The following NFIA variants were observed in gnomAD, a reference collection of about 807,000 sequenced individuals.
The protein encoded by NFIA is nuclear factor 1 A-type.
Under a neutral mutation model 62.8 loss-of-function variants are expected in NFIA, and 8 were observed. The observed-to-expected ratio is 0.13, with a 90% CI of 0.07 to 0.23. The LOEUF (loss-of-function observed/expected upper bound fraction) is 0.23, where lower values mean the gene tolerates loss of function less well. Among genes scored for constraint, NFIA ranks in the 10% least tolerant of loss-of-function variants. The pLI, the probability that NFIA is intolerant of heterozygous loss-of-function variation, is 1.00. For synonymous variants in NFIA, 235 were observed against 238.1 expected (o/e 0.99, Z 0.12); for missense variants, 410 against 642.1 (o/e 0.64, Z 3.91).
intron 3 of NFIA, among the ~76,000 whole-genome samples, chr1:61,277,802 T>G (rs1657902376): frequency 6.6e-6 from 1 of 152,070 alleles, no homozygotes; most frequent in Admixed American, 6.6e-5. Flanking sequence ...TAAACACTAT[T>G]AGGGTGCCCA....
intron 2 of NFIA, among the ~76,000 whole-genome samples, chr1:61,101,768 T>G (rs1646514719): frequency 6.6e-6 from 1 of 152,188 alleles, no homozygotes; most frequent in Non-Finnish European, 1.5e-5. Context: ...TGCCTTTTTT[T>G]CTCTCTTTTA....
At chr1:61,444,767 A>AC (rs1248044527) in intron 10 of NFIA, among the ~76,000 whole-genome samples, 2 of 152,228 alleles carry the variant, frequency 1.3e-5, no homozygotes, top group African/African-American at 2.4e-5. Flanking sequence ...TATATATATC[A>AC]TTTGAACTTA....
At chr1:61,272,194 G>T (rs150731356) in intron 2 of NFIA, among the ~76,000 whole-genome samples, 3 of 152,124 alleles carry the variant, frequency 2.0e-5, no homozygotes, top group Non-Finnish European at 2.9e-5. Context: ...TTAGCTGATG[G>T]TGTTGTATTC....
At chr1:61,268,827 C>T (rs1411558876) in intron 2 of NFIA, among the ~76,000 whole-genome samples, 2 of 152,098 alleles carry the variant, frequency 1.3e-5, no homozygotes, top group African/African-American at 4.8e-5. Flanking sequence ...TGGCTTGCAT[C>T]GATCAAAACT....
At chr1:61,143,525 G>T (rs1338313059) in intron 2 of NFIA, among the ~76,000 whole-genome samples, 1 of 152,020 alleles carries the variant, frequency 6.6e-6, no homozygotes, top group Non-Finnish European at 1.5e-5. Context: ...AGGTAACTGG[G>T]GCTACAGGTG....
In NFIA at chr1:61,455,639, A is replaced by G. The variant is rs1451733016; in HGVS notation, c.*319A>G. ...GAGCATTAGGTGACGTGGCTAGCGG[A>G]GGACTACCCTTGCTCACTGACTTCC... On this transcript the variant is annotated 3_prime_UTR_variant, in exon 11 of 11. Transcript: ENST00000403491. The G allele has an allele frequency of 7.0e-6, 3 of 426,632 alleles. No homozygotes were observed. The highest frequency in any genetic ancestry group is 4.3e-5 in the Admixed American group (1 of 23,338). The allele number at this position is 426,632 out of a possible 1,614,324, so 26.4% of individuals were successfully genotyped here.
intron 2 of NFIA, among the ~76,000 whole-genome samples, chr1:61,119,069 T>C (rs1646842679): frequency 6.6e-6 from 1 of 152,122 alleles, no homozygotes; most frequent in Non-Finnish European, 1.5e-5. Context: ...TTCAGAAAAA[T>C]TATTACAATA....
At position 61,167,658 on chromosome 1, in the gene NFIA, A is replaced by G. The variant is rs17121762; in HGVS notation, c.559+78978A>G. On this transcript the variant is annotated intron_variant, in intron 2 of 10. Transcript: ENST00000403491. ...CATACTCATTTTTTGAAATAATTTG[A>G]AAAAGGATCTCAGTAGAAGGGACAA... 8.9e-3 allele frequency among the ~76,000 whole-genome samples: 1,349 copies of G among 152,312 alleles called. 49 individuals carry two copies. The East Asian group carries it at 0.12, about 14-fold the overall frequency.
At chr1:61,085,058 A>G (rs558155640) in intron 1 of NFIA, among the ~76,000 whole-genome samples, 1 of 152,094 alleles carries the variant, frequency 6.6e-6, no homozygotes, top group East Asian at 1.9e-4. Context: ...ACTTGCTGGG[A>G]TATTTATAAT....
chr1:61,168,708 G>T (rs1001378137), intron 2 of NFIA, among the ~76,000 whole-genome samples: 3 of 152,206 alleles, frequency 2.0e-5, no homozygotes, highest in African/African-American at 7.2e-5. Context: ...CTTGTAAGAT[G>T]GAGGTTATGT....
intron 3 of NFIA, among the ~76,000 whole-genome samples, chr1:61,319,835 A>ACACACACC (rs1254829829): frequency 1.4e-5 from 2 of 140,964 alleles, no homozygotes; most frequent in African/African-American, 5.2e-5. Flanking sequence ...ACACACACAC[A>ACACACACC]CCAACTTTCA....
At chr1:61,435,780 G>A (rs1667299320) in intron 10 of NFIA, among the ~76,000 whole-genome samples, 1 of 152,180 alleles carries the variant, frequency 6.6e-6, no homozygotes, top group Non-Finnish European at 1.5e-5. Flanking sequence ...TTGTCCCAAG[G>A]AAGAAGGCGC....
chr1:61,275,126 C>T (rs1419139148), intron 2 of NFIA, among the ~76,000 whole-genome samples: 1 of 152,126 alleles, frequency 6.6e-6, no homozygotes, highest in Non-Finnish European at 1.5e-5. Context: ...TGGCTGGATG[C>T]CTTCTCCAGT....
intron 7 of NFIA, among the ~76,000 whole-genome samples, chr1:61,385,614 G>T (rs972197668): frequency 2.0e-5 from 3 of 152,078 alleles, no homozygotes; most frequent in Admixed American, 6.6e-5. Flanking sequence ...TGTGTGTCTT[G>T]CCTTAAAACT....
intron 9 of NFIA, among the ~76,000 whole-genome samples, chr1:61,420,929 A>G (rs539599901): frequency 2.2e-4 from 34 of 152,246 alleles, no homozygotes; most frequent in African/African-American, 7.9e-4. Flanking sequence ...TTAAAATACT[A>G]CCTTTCCTTG....
At chr1:61,234,619 A>G (rs1654882746) in intron 2 of NFIA, among the ~76,000 whole-genome samples, 1 of 152,098 alleles carries the variant, frequency 6.6e-6, no homozygotes, top group Non-Finnish European at 1.5e-5. Flanking sequence ...GAGGCCCCTA[A>G]TGGTTAGCTC....
chr1:61,342,980 A>G (rs1300827660), intron 4 of NFIA, among the ~76,000 whole-genome samples: 1 of 152,246 alleles, frequency 6.6e-6, no homozygotes, highest in Non-Finnish European at 1.5e-5. Flanking sequence ...ATTCAGGTAA[A>G]ATACCTAGCA....
chr1:61,122,797 G>A (rs1308141098), intron 2 of NFIA, among the ~76,000 whole-genome samples: 1 of 152,122 alleles, frequency 6.6e-6, no homozygotes, highest in East Asian at 1.9e-4. Context: ...TCTGGAGTAC[G>A]TGTGAAGGAT....
At chr1:61,163,982 A>G (rs1649396076) in intron 2 of NFIA, among the ~76,000 whole-genome samples, 2 of 152,214 alleles carry the variant, frequency 1.3e-5, no homozygotes, top group Admixed American at 1.3e-4. Flanking sequence ...AGAATCTGGA[A>G]GTGCAGATTT....
Sources: allele counts gnomAD v4.1 joint callset (sites outside exome capture counted in the v4.1 genomes callset), GRCh38; gene constraint gnomAD v4.1.1; transcripts MANE v1.5; gene names NCBI Gene and HGNC (gene_info 2026-07-23, HGNC 2026-07-21).